DOCK1: variants seen among roughly 807,000 people sequenced by gnomAD.
DOCK1 encodes the protein dedicator of cytokinesis protein 1.
A neutral mutation model predicts 262.7 loss-of-function variants in DOCK1; 138 were observed. The ratio of observed to expected loss-of-function variants is 0.53; its 90% CI spans 0.46 to 0.61. DOCK1 has a LOEUF of 0.61. Among genes scored for constraint, DOCK1 ranks in the 20% least tolerant of loss-of-function variants. The pLI is 0.00. For missense variants in DOCK1, 1,908 were observed against 2,370.7 expected (o/e 0.80, Z 4.05); for synonymous variants, 866 against 867.4 (o/e 1.00, Z 0.03).
At position 127,343,728 on chromosome 10, in the gene DOCK1, G is replaced by A. The variant is rs772813516; in HGVS notation, c.3206G>A (p.Arg1069Lys). ...CTGGAGAATTTTTCAAGTGCCAAGA[G>A]AGCCAAAATCCTTAACAAGTAAGTT... is the stretch of plus-strand genomic sequence containing the variant. ...LQLENFSSAK[R>K]AKILNKYGDM... Residue 1069 changes from arginine to lysine, a missense_variant, in exon 31 of 52, where the codon AGA becomes AAA. Arg to Lys is a conservative substitution (Grantham distance 26). Transcript: ENST00000623213. The A allele has an allele frequency of 5.0e-6, 8 of 1,608,536 alleles. No individual in the cohort carries two copies. The South Asian group carries it at 5.6e-5, about 11-fold the overall frequency.
At chr10:127,389,711 G>T (rs1262667766) in intron 38 of DOCK1, among the ~76,000 whole-genome samples, 3 of 152,084 alleles carry the variant, frequency 2.0e-5, no homozygotes, top group Non-Finnish European at 4.4e-5. Context: ...TGAGATCTGG[G>T]TTGTTCAAAA....
chr10:126,919,513 G>C (rs2032954186), intron 1 of DOCK1, among the ~76,000 whole-genome samples: 1 of 152,188 alleles, frequency 6.6e-6, no homozygotes, highest in South Asian at 2.1e-4. Context: ...GGGGGTTGTT[G>C]CTTTGAGAAT....
At chr10:127,444,100 G>C (rs2070371124) in intron 49 of DOCK1, 26 bp from the exon 50 acceptor site, 1 of 1,551,542 alleles carries the variant, frequency 6.4e-7, no homozygotes, top group Non-Finnish European at 8.7e-7. Flanking sequence ...GACCGTAACT[G>C]TGCTCTTTCT....
chr10:127,224,661 G>A (rs2058570678), intron 27 of DOCK1, among the ~76,000 whole-genome samples: 1 of 151,622 alleles, frequency 6.6e-6, no homozygotes, highest in South Asian at 2.1e-4. Flanking sequence ...TTAAGGCCGT[G>A]GTGAGCTCTG....
rs1052198907 is a variant in DOCK1, at chr10:127,362,084, A to G, written c.3304A>G (p.Ile1102Val). 2 of 1,611,202 alleles carry G rather than the reference A, an allele frequency of 1.2e-6. No homozygotes were observed. Among genetic ancestry groups the G allele is most frequent in the Non-Finnish European group, 1.7e-6 (2 of 1,179,224 alleles). The change falls in exon 33 of 52, where the codon ATT (isoleucine) becomes GTT (valine). Residue 1102 changes from isoleucine (I) to valine (V), a missense_variant. Physicochemically the swap from Ile to Val is conservative, Grantham distance 29. Coordinates refer to ENST00000623213, the MANE Select transcript of DOCK1 (RefSeq NM_001290223.2). ...CCAAGGTCAACACAAGATAAAGTTC[A>G]TTCCAGAAATGGTGGGCCCAATATT... ...YNLGQHKIKF[I>V]PEMVGPILEM...
intron 40 of DOCK1, among the ~76,000 whole-genome samples, chr10:127,407,930 A>G (rs1203842044): frequency 1.3e-5 from 2 of 152,028 alleles, no homozygotes; most frequent in Non-Finnish European, 1.5e-5. Flanking sequence ...ACAGCCCCAG[A>G]TGGGACAGGA....
intron 27 of DOCK1, among the ~76,000 whole-genome samples, chr10:127,135,228 G>A (rs754096971): frequency 1.2e-4 from 19 of 152,338 alleles, no homozygotes; most frequent in South Asian, 2.1e-4. Context: ...GCATAGGTGG[G>A]CAAGCGTCAG....
intron 25 of DOCK1, among the ~76,000 whole-genome samples, chr10:127,115,570 G>A (rs1188896842): frequency 6.6e-6 from 1 of 152,204 alleles, no homozygotes; most frequent in Non-Finnish European, 1.5e-5. Flanking sequence ...GACAAAAGCT[G>A]TGAAAATTAA....
intron 1 of DOCK1, among the ~76,000 whole-genome samples, chr10:126,945,455 A>AAG (rs1261260472): frequency 6.1e-5 from 9 of 148,306 alleles, no homozygotes; most frequent in East Asian, 2.0e-4. Flanking sequence ...GAGAAGGGGA[A>AAG]AGAGAGAGAG....
At chr10:127,345,985 C>T (rs552869622) in intron 31 of DOCK1, among the ~76,000 whole-genome samples, 3 of 152,192 alleles carry the variant, frequency 2.0e-5, no homozygotes, top group South Asian at 2.1e-4. Flanking sequence ...CCACCAGGTG[C>T]GGACACACCT....
chr10:127,076,297 C>G (rs969683143), intron 23 of DOCK1, among the ~76,000 whole-genome samples: 2 of 152,152 alleles, frequency 1.3e-5, no homozygotes, highest in African/African-American at 2.4e-5. Context: ...GTCAGTAGAT[C>G]AAGACCATCC....
intron 38 of DOCK1, among the ~76,000 whole-genome samples, chr10:127,389,237 C>T (rs2066324295): frequency 6.6e-6 from 1 of 152,138 alleles, no homozygotes; most frequent in African/African-American, 2.4e-5. Flanking sequence ...ATGTTTTGTG[C>T]CGGACTTAGA....
At chr10:127,241,406 G>A (rs978563766) in intron 27 of DOCK1, among the ~76,000 whole-genome samples, 2 of 152,044 alleles carry the variant, frequency 1.3e-5, no homozygotes, top group African/African-American at 4.8e-5. Context: ...TCTGGGTTCT[G>A]TTTTTGTTTG....
At chr10:126,951,621 A>ATTGTTGTTGGTGGTGGTATTG (rs1291987851) in intron 1 of DOCK1, among the ~76,000 whole-genome samples, 1 of 150,774 alleles carries the variant, frequency 6.6e-6, no homozygotes, top group South Asian at 2.1e-4. Context: ...TGGTGGTGGT[A>ATTGTTGTTGGTGGTGGTATTG]TTGTTGGTGG....
intron 27 of DOCK1, chr10:127,136,477 A>AC (rs1491182415): frequency 2.3e-4 from 32 of 141,310 alleles, no homozygotes; most frequent in African/African-American, 8.6e-4. Context: ...TTTAAGTTGT[A>AC]CAAAAAAAAA....
rs2136077316 is a variant in DOCK1 at position 127,088,853 on chromosome 10, A to C, written c.2446-17378A>C. Among the ~76,000 whole-genome samples the C allele has an allele frequency of 1.3e-5, 2 of 152,212 alleles. 1 individual carries two copies. The highest frequency in any genetic ancestry group is 4.1e-4 in the South Asian group (2 of 4,824). On this transcript the variant is annotated intron_variant, in intron 23 of 51. Transcript: ENST00000623213. ...AGAAAGGGAAAGCCCTGTATTTGGA[A>C]GGTTATATCCAGAGGAGTTCAGCAC... is the stretch of plus-strand genomic sequence containing the variant.
chr10:126,997,548 T>C (rs1446774129), intron 7 of DOCK1, among the ~76,000 whole-genome samples: 1 of 151,984 alleles, frequency 6.6e-6, no homozygotes, highest in Admixed American at 6.6e-5. Flanking sequence ...TTGTGAGAGC[T>C]CACCATCATG....
rs544290014 is a variant in DOCK1, at chr10:127,437,047, C to T, written c.5061-1980C>T. 6.6e-5 allele frequency among the ~76,000 whole-genome samples: 10 copies of T among 152,158 alleles called. No homozygotes were observed. The highest frequency in any genetic ancestry group is 2.4e-4 in the African/African-American group (10 of 41,434). On this transcript the variant is annotated intron_variant, in intron 48 of 51. Coordinates refer to ENST00000623213, the MANE Select transcript of DOCK1 (RefSeq NM_001290223.2). This position sits in a 1 kb window ranked among gnomAD's most constrained non-coding sequence, Gnocchi z 4.4. ...GTGCCCTATCGCATTGTTTAATTCG[C>T]GTCTCGATTCTCCATATTCCCTGCA...
chr10:127,055,337 C>T (rs2045066626), intron 22 of DOCK1, among the ~76,000 whole-genome samples: 1 of 152,214 alleles, frequency 6.6e-6, no homozygotes, highest in Admixed American at 6.5e-5. Context: ...CTCCCAGCAT[C>T]AGCTCTGCAT....
Sources: allele counts gnomAD v4.1 joint callset (sites outside exome capture counted in the v4.1 genomes callset), GRCh38; gene constraint gnomAD v4.1.1; non-coding constraint Gnocchi (gnomAD v3.1); transcripts MANE v1.5; gene names NCBI Gene and HGNC (gene_info 2026-07-23, HGNC 2026-07-21).